Variants in CXCL12 observed in about 807,000 individuals in gnomAD.
CXCL12 encodes stromal cell-derived factor 1.
In CXCL12, 4 loss-of-function variants were observed where a neutral mutation model predicts 10.7. The ratio of observed to expected loss-of-function variants is 0.37; its 90% CI spans 0.18 to 0.86. The LOEUF is 0.86. Ranked by LOEUF, CXCL12 falls within the 40% of genes least tolerant of loss-of-function variation. CXCL12 has a pLI of 0.43. For missense variants in CXCL12, 122 were observed against 110.4 expected, an observed-to-expected ratio of 1.10 and a Z score of -0.47; for synonymous variants, 54 against 45.4, an observed-to-expected ratio of 1.19 and a Z score of -0.77.
At chr10:44,370,939 G>C (rs2132034232), downstream of CXCL12, 1 of 155,000 alleles carries the variant, frequency 6.5e-6, no homozygotes, top group Non-Finnish European at 1.4e-5. Flanking sequence ...TCCTGATACA[G>C]AGCTGGCAGC....
intron 1 of CXCL12, among the ~76,000 whole-genome samples, chr10:44,383,470 C>T (rs568723242): frequency 1.3e-5 from 2 of 152,200 alleles, no homozygotes; most frequent in African/African-American, 4.8e-5. Flanking sequence ...GGGGAGGGGG[C>T]AGCACCATTT....
At chr10:44,384,347 C>T (rs1425102316) in intron 1 of CXCL12, among the ~76,000 whole-genome samples, 1 of 152,134 alleles carries the variant, frequency 6.6e-6, no homozygotes, top group Non-Finnish European at 1.5e-5. Flanking sequence ...GGCACAAGCC[C>T]GACAGCTGCG....
downstream of CXCL12, chr10:44,374,452 G>A (rs1396296697): frequency 2.2e-6 from 1 of 456,078 alleles, no homozygotes. Context: ...TGCCTTAAGA[G>A]GTGGGGAGGG....
At position 44,377,871 on chromosome 10, in the gene CXCL12, T is replaced by C. The variant is rs1839504488; in HGVS notation, c.*762A>G. On this transcript the variant is annotated 3_prime_UTR_variant, in exon 3 of 3. Transcript: ENST00000343575. ...GGATGCAGGGCACGAGCCCCAGCAATCACCCTCTTCCCGGCTGGTGCGGCG... is the reference window on the plus strand; with the variant it reads ...GGATGCAGGGCACGAGCCCCAGCAACCACCCTCTTCCCGGCTGGTGCGGCG... 1.9e-6 allele frequency: 3 copies of C among 1,582,730 alleles called. No homozygotes were observed. Among genetic ancestry groups the C allele is most frequent in the Non-Finnish European group, 2.6e-6 (3 of 1,172,706 alleles).
intron 1 of CXCL12, among the ~76,000 whole-genome samples, chr10:44,381,552 G>T (rs1839631784): frequency 6.6e-6 from 1 of 152,258 alleles, no homozygotes; most frequent in Non-Finnish European, 1.5e-5. Flanking sequence ...AGTTAAATGT[G>T]GTTTTCATTG....
intron 2 of CXCL12, among the ~76,000 whole-genome samples, chr10:44,379,593 T>C (rs1469039663): frequency 1.3e-5 from 2 of 152,198 alleles, no homozygotes; most frequent in East Asian, 1.9e-4. Context: ...GGTGCAGAGA[T>C]GGGTGTGGCT....
At position 44,377,816 on chromosome 10, in the gene CXCL12, C is replaced by T. The variant is rs201470059; in HGVS notation, c.*817G>A. 7.8e-5 allele frequency: 124 copies of T among 1,597,202 alleles called. No homozygotes were observed. The highest frequency in any genetic ancestry group is 7.6e-4 in the South Asian group (69 of 90,694). ...CCAAAGACGGATCTCACAGAGGGCC[C>T]GAGCTGTGGGGCAGGCCCTGGGAGG... On this transcript the variant is annotated 3_prime_UTR_variant, in exon 3 of 3. Coordinates refer to ENST00000343575, the MANE Select transcript of CXCL12 (RefSeq NM_199168.4).
downstream of CXCL12, chr10:44,372,848 G>A (rs1367116626): frequency 6.6e-7 from 1 of 1,516,238 alleles, no homozygotes; most frequent in Non-Finnish European, 8.8e-7. Context: ...AGCCTCCCAT[G>A]TGGCCCTCCA....
In CXCL12 at chr10:44,378,029, C is replaced by A; in HGVS notation, c.*604G>T. 2 of 1,488,836 alleles carry A rather than the reference C, an allele frequency of 1.3e-6. No individual in the cohort carries two copies. Among genetic ancestry groups the A allele is most frequent in the South Asian group, 2.6e-5 (2 of 76,278 alleles). 92.2% of individuals were successfully genotyped at this position (1,488,836 alleles called of 1,614,324 possible). On this transcript the variant is annotated 3_prime_UTR_variant, in exon 3 of 3. Transcript: ENST00000343575. ...AATAGTGGCTTCTACATGGAGCCCACAGAGCCAATCACTGAGGTTGAAAGA... is the reference window on the plus strand; with the variant it reads ...AATAGTGGCTTCTACATGGAGCCCAAAGAGCCAATCACTGAGGTTGAAAGA...
At chr10:44,373,364 A>C (rs1453032674), downstream of CXCL12, 2 of 1,597,606 alleles carry the variant, frequency 1.3e-6, no homozygotes, top group Non-Finnish European at 1.7e-6. Flanking sequence ...GAACAGAGGG[A>C]AACACCATTA....
intron 1 of CXCL12, among the ~76,000 whole-genome samples, chr10:44,382,971 G>T (rs530207205): frequency 2.3e-4 from 35 of 152,280 alleles, no homozygotes; most frequent in African/African-American, 8.2e-4. Context: ...ATTTGGGACC[G>T]GGTGAGCTTG....
chr10:44,372,751 C>T (rs974220103), downstream of CXCL12: 1 of 1,437,548 alleles, frequency 7.0e-7, no homozygotes, highest in Non-Finnish European at 9.1e-7. Flanking sequence ...TCTGCCCTGG[C>T]CTCACACTGC....
At chr10:44,372,916 G>A (rs1414738730), downstream of CXCL12, 3 of 1,535,882 alleles carry the variant, frequency 2.0e-6, no homozygotes, top group East Asian at 2.4e-5. Flanking sequence ...GACTGGTCCT[G>A]GCACCCCCAG....
chr10:44,374,120 G>T (rs1000200160), downstream of CXCL12: 1 of 303,810 alleles, frequency 3.3e-6, no homozygotes, highest in Non-Finnish European at 6.5e-6. Flanking sequence ...CCTTGCATGC[G>T]TTCTCAAGGT....
rs773381755 is a variant in CXCL12, at chr10:44,380,759, T to C, written c.179+4A>G. 1.2e-6 allele frequency: 2 copies of C among 1,609,320 alleles called. No individual in the cohort carries two copies. The highest frequency in any genetic ancestry group is 1.7e-6 in the Non-Finnish European group (2 of 1,175,520). On this transcript the variant is annotated splice_donor_region_variant and intron_variant, in intron 2 of 2. Coordinates refer to ENST00000343575, the MANE Select transcript of CXCL12 (RefSeq NM_199168.4). The stretch of plus-strand genomic sequence containing the variant: ...GTTAGATGATGTTCAATTTCAAGAC[T>C]TACACAATCTGAAGGGCACAGTTTG...
At chr10:44,381,232 C>T (rs996502405) in intron 1 of CXCL12, among the ~76,000 whole-genome samples, 1 of 152,212 alleles carries the variant, frequency 6.6e-6, no homozygotes, top group African/African-American at 2.4e-5. Context: ...TTTCCAGTTA[C>T]TCTTTGTAAA....
In CXCL12 at chr10:44,377,692, T is replaced by G; in HGVS notation, c.*941A>C. ...AGTCACTCAAAGCGAGCTCTCAGAT[T>G]TAAAATTGCATTTGATTCTGTAAAG... On this transcript the variant is annotated 3_prime_UTR_variant, in exon 3 of 3. Coordinates refer to ENST00000343575, the MANE Select transcript of CXCL12 (RefSeq NM_199168.4). 2 of 1,594,120 alleles carry G rather than the reference T, an allele frequency of 1.3e-6. No homozygotes were observed. Among genetic ancestry groups the G allele is most frequent in the Non-Finnish European group, 1.7e-6 (2 of 1,177,980 alleles).
At chr10:44,376,797 A>G (rs11239025), downstream of CXCL12, among the ~76,000 whole-genome samples, 104 of 152,086 alleles carry the variant, frequency 6.8e-4, no homozygotes, top group Middle Eastern at 3.4e-3. Flanking sequence ...ACTAGGGTTG[A>G]GTCTCTGGGG....
chr10:44,384,829 C>T (rs1839748024), intron 1 of CXCL12, 116 bp downstream of exon 1: 2 of 1,011,770 alleles, frequency 2.0e-6, no homozygotes, highest in South Asian at 1.6e-5. Flanking sequence ...GCTGCCTCCA[C>T]CCCCACTGTG....
Sources: allele counts gnomAD v4.1 joint callset (sites outside exome capture counted in the v4.1 genomes callset), GRCh38; gene constraint gnomAD v4.1.1; transcripts MANE v1.5; gene names NCBI Gene and HGNC (gene_info 2026-07-23, HGNC 2026-07-21).